Variants in PRKG1 observed in about 807,000 individuals in gnomAD.
The protein encoded by PRKG1 is protein kinase cGMP-dependent 1, also known as cGMP-dependent protein kinase 1.
In PRKG1, 35 loss-of-function variants were observed where a neutral mutation model predicts 88.1. The ratio of observed to expected loss-of-function variants is 0.40; its 90% CI spans 0.30 to 0.53. The LOEUF is 0.53. Ranked by LOEUF, PRKG1 falls within the 20% of genes least tolerant of loss-of-function variation. The pLI, the probability that PRKG1 is intolerant of heterozygous loss-of-function variation, is 0.59. For synonymous variants in PRKG1, 303 were observed against 292.5 expected (o/e 1.04, Z -0.37); for missense variants, 540 against 839.8 (o/e 0.64, Z 4.41).
At chr10:51,496,396 T>G (rs7083586) in intron 3 of PRKG1, among the ~76,000 whole-genome samples, 1 of 152,106 alleles carries the variant, frequency 6.6e-6, no homozygotes, top group African/African-American at 2.4e-5. Flanking sequence ...TGTGTTAAAC[T>G]TATCAGCATG....
intron 2 of PRKG1, among the ~76,000 whole-genome samples, chr10:51,348,266 G>T (rs1842160150): frequency 6.6e-6 from 1 of 152,042 alleles, no homozygotes; most frequent in Non-Finnish European, 1.5e-5. Flanking sequence ...CCCTTAAACC[G>T]ATATGTGCAA....
intron 2 of PRKG1, among the ~76,000 whole-genome samples, chr10:51,266,799 A>G (rs760532348): frequency 5.3e-5 from 8 of 152,194 alleles, no homozygotes; most frequent in Non-Finnish European, 1.2e-4. Flanking sequence ...TTCAATTCAC[A>G]AGGAATACAT....
intron 1 of PRKG1, among the ~76,000 whole-genome samples, chr10:51,101,644 A>C (rs1589152901): frequency 6.6e-6 from 1 of 152,206 alleles, no homozygotes. Context: ...TGAAATAATG[A>C]GTATTTTTTA....
chr10:51,129,375 G>A (rs915396439), intron 1 of PRKG1, among the ~76,000 whole-genome samples: 1 of 152,060 alleles, frequency 6.6e-6, no homozygotes, highest in Non-Finnish European at 1.5e-5. Flanking sequence ...AACCCGAGAG[G>A]CGGGGGTTGC....
intron 3 of PRKG1, among the ~76,000 whole-genome samples, chr10:51,560,084 C>A (rs1408587424): frequency 6.6e-6 from 1 of 152,104 alleles, no homozygotes; most frequent in African/African-American, 2.4e-5. Context: ...TTTATTTCTG[C>A]AGCTTTTTAA....
intron 4 of PRKG1, among the ~76,000 whole-genome samples, chr10:51,900,080 T>C (rs1224211768): frequency 6.6e-6 from 1 of 152,196 alleles, no homozygotes; most frequent in Non-Finnish European, 1.5e-5. Flanking sequence ...TGCAGAATCA[T>C]TAGCCCATAG....
At chr10:51,796,992 T>A (rs980447867) in intron 3 of PRKG1, among the ~76,000 whole-genome samples, 1 of 151,816 alleles carries the variant, frequency 6.6e-6, no homozygotes, top group Non-Finnish European at 1.5e-5. Context: ...TATGTGGGAG[T>A]TTTAGAAGAC....
intron 4 of PRKG1, among the ~76,000 whole-genome samples, chr10:51,806,685 C>A (rs74541784): frequency 0.035 from 5,278 of 152,210 alleles, 302 homozygotes; most frequent in African/African-American, 0.12. Flanking sequence ...CTGTGACCAA[C>A]TGGTTCTCTC....
At chr10:51,921,842 A>G (rs1045486466) in intron 5 of PRKG1, among the ~76,000 whole-genome samples, 2 of 152,010 alleles carry the variant, frequency 1.3e-5, no homozygotes, top group African/African-American at 4.8e-5. Flanking sequence ...TTTGGCATCT[A>G]TATTTCTGAG....
At chr10:52,237,844 A>C (rs1840729891) in intron 9 of PRKG1, among the ~76,000 whole-genome samples, 1 of 143,582 alleles carries the variant, frequency 7.0e-6, no homozygotes, top group Middle Eastern at 3.5e-3. Flanking sequence ...GGAACCAAAA[A>C]AGAGCCCGCA....
At chr10:51,275,138 T>C (rs1840080855) in intron 2 of PRKG1, among the ~76,000 whole-genome samples, 2 of 152,258 alleles carry the variant, frequency 1.3e-5, no homozygotes, top group Admixed American at 6.5e-5. Flanking sequence ...GGTAAAGTAT[T>C]GGACATGACA....
Position 51,907,576 on chromosome 10 carries a change from T to C in PRKG1, c.762+6T>C. On this transcript the variant is annotated splice_donor_region_variant and intron_variant, in intron 5 of 17. Transcript: ENST00000373980. ...TTGCTGATGTCCTTGAAGAGGTAAT[T>C]GTTTTTAGCCTTTGAACTTTTTGAG... 1.2e-6 allele frequency: 2 copies of C among 1,612,628 alleles called. No individual in the cohort carries two copies.
chr10:52,297,965 A>C lies in PRKG1; in HGVS notation c.*4065A>C, dbSNP rs13499. The C allele has an allele frequency of 0.31, 46,502 of 152,026 alleles. 7,523 individuals carry two copies. Among genetic ancestry groups the C allele is most frequent in the South Asian group, 0.41 (1,972 of 4,814 alleles). The allele number at this position is 152,026 out of a possible 1,614,324, so 9.4% of individuals were successfully genotyped here. A position where few individuals can be genotyped will look rare whatever the true frequency, so the allele number is the denominator to read the frequency against. On this transcript the variant is annotated 3_prime_UTR_variant, in exon 18 of 18. Transcript: ENST00000373980. Reference sequence around the variant, plus strand: ...TTGTTAGCCCTCCTCTCTGCCCCTGAATCAACAGACAGAGCTCTGGGACCT... The same window carrying C: ...TTGTTAGCCCTCCTCTCTGCCCCTGCATCAACAGACAGAGCTCTGGGACCT...
At chr10:52,049,566 G>A (rs1420846617) in intron 5 of PRKG1, among the ~76,000 whole-genome samples, 1 of 152,138 alleles carries the variant, frequency 6.6e-6, no homozygotes, top group African/African-American at 2.4e-5. Context: ...TTTGATGGCA[G>A]TGAGAAAAAT....
intron 3 of PRKG1, among the ~76,000 whole-genome samples, chr10:51,616,370 G>A (rs1282548145): frequency 6.6e-6 from 1 of 152,198 alleles, no homozygotes; most frequent in Admixed American, 6.5e-5. Context: ...TGGGCAGTTG[G>A]TGTGTGGGTG....
chr10:52,107,903 G>T (rs1847463317), intron 7 of PRKG1, among the ~76,000 whole-genome samples: 1 of 152,138 alleles, frequency 6.6e-6, no homozygotes, highest in African/African-American at 2.4e-5. Flanking sequence ...AGTATAGTTG[G>T]CATAATCACC....
At chr10:51,297,493 T>C (rs994211800) in intron 2 of PRKG1, among the ~76,000 whole-genome samples, 1 of 152,106 alleles carries the variant, frequency 6.6e-6, no homozygotes, top group Non-Finnish European at 1.5e-5. Flanking sequence ...TACCTTAAAT[T>C]AGGATTGAGA....
intron 14 of PRKG1, among the ~76,000 whole-genome samples, chr10:52,287,872 A>G (rs537580281): frequency 6.6e-6 from 1 of 152,032 alleles, no homozygotes; most frequent in South Asian, 2.1e-4. Flanking sequence ...ATAAATATTT[A>G]TTGCCTCCTT....
intron 9 of PRKG1, among the ~76,000 whole-genome samples, chr10:52,227,544 G>A (rs1169676262): frequency 3.3e-5 from 5 of 152,100 alleles, no homozygotes; most frequent in African/African-American, 1.2e-4. Flanking sequence ...GATGTGCTCA[G>A]GCTATATGCA....
Sources: gnomAD v4.1 joint callset for allele counts (sites outside exome capture counted in the v4.1 genomes callset) on GRCh38, gnomAD v4.1.1 for gene constraint, MANE v1.5 for transcripts, NCBI Gene and HGNC (gene_info 2026-07-23, HGNC 2026-07-21) for gene names.